SKI: variants seen among roughly 807,000 people sequenced by gnomAD.
The protein encoded by SKI is SKI proto-oncogene.
SKI carries 23 observed loss-of-function variants against 59.3 expected under a neutral mutation model. That is an observed-to-expected ratio of 0.39 (90% CI 0.28 to 0.55). SKI has a LOEUF of 0.55. Ranked by LOEUF, SKI falls within the 20% of genes least tolerant of loss-of-function variation. The probability of loss-of-function intolerance (pLI) is 0.67; values close to 1 mark genes in which losing one functional copy is unlikely to be tolerated. For synonymous variants in SKI, 673 were observed against 488.6 expected (o/e 1.38, Z -4.98); for missense variants, 1,017 against 1,038.9 (o/e 0.98, Z 0.29).
chr1:2,285,139 C>T (rs552457643), intron 1 of SKI, among the ~76,000 whole-genome samples: 3 of 152,214 alleles, frequency 2.0e-5, no homozygotes, highest in East Asian at 3.9e-4. Flanking sequence ...GACTTGTCCC[C>T]ATCTGTCTAG....
In SKI at chr1:2,270,122, G is replaced by T. The variant is rs557663842; in HGVS notation, c.970-32856G>T. The stretch of plus-strand genomic sequence containing the variant: ...GTTTTGCCCAGGGGTGCTGTGCCCT[G>T]GTCATTGTCCCCTACAGCCAGGCAG... On this transcript the variant is annotated intron_variant, in intron 1 of 6. Transcript: ENST00000378536. This position sits in a 1 kb window ranked among gnomAD's most constrained non-coding sequence, Gnocchi z 4.1. 6.6e-6 allele frequency among the ~76,000 whole-genome samples: 1 copy of T among 152,284 alleles called. No homozygotes were observed. Among genetic ancestry groups the T allele is most frequent in the Non-Finnish European group, 1.5e-5 (1 of 68,024 alleles).
chr1:2,303,710 G>C lies in SKI; in HGVS notation c.1212-130G>C, dbSNP rs1640486210. On this transcript the variant is annotated intron_variant, in intron 3 of 6. Transcript: ENST00000378536. The surrounding 1 kb of genome is among the most constrained non-coding windows in gnomAD (Gnocchi z 5.6). ...CTTACGGGTTCTTAGGGAACTGTAA[G>C]CTTGACTTGAAGATTCGGAGCTGGG... 12 of 1,302,272 alleles carry C rather than the reference G, an allele frequency of 9.2e-6. No homozygotes were observed. In the Admixed American group the frequency reaches 2.4e-4, roughly 26 times the overall value. The allele number at this position is 1,302,272 out of a possible 1,614,324, so 80.7% of individuals were successfully genotyped here.
At chr1:2,256,546 T>C (rs1047407926) in intron 1 of SKI, among the ~76,000 whole-genome samples, 4 of 152,222 alleles carry the variant, frequency 2.6e-5, no homozygotes, top group African/African-American at 9.6e-5. Context: ...TTCTAGGGGT[T>C]CCCCTCCTGG....
In SKI at chr1:2,269,551, G is replaced by GT. The variant is rs1639572027; in HGVS notation, c.970-33425dup. On this transcript the variant is annotated intron_variant, in intron 1 of 6. Coordinates refer to ENST00000378536, the MANE Select transcript of SKI (RefSeq NM_003036.4). The surrounding 1 kb of genome is among the most constrained non-coding windows in gnomAD (Gnocchi z 4.7). ...TCCAGGCCCGCACTAGTGGCGCCTG[G>GT]TTATCAGGTGTGGTGAGGAGCTTTG... 2.0e-5 allele frequency among the ~76,000 whole-genome samples: 3 copies of GT among 152,272 alleles called. No homozygotes were observed. The South Asian group carries it at 6.2e-4, about 31-fold the overall frequency.
chr1:2,252,575 G>T (rs572135381), intron 1 of SKI, among the ~76,000 whole-genome samples: 1 of 149,700 alleles, frequency 6.7e-6, no homozygotes, highest in East Asian at 2.0e-4. Context: ...GTCAGTGCCC[G>T]CGGAGCAGGT....
intron 1 of SKI, among the ~76,000 whole-genome samples, chr1:2,238,353 C>CTGTT (rs1422780260): frequency 1.3e-5 from 2 of 152,126 alleles, no homozygotes; most frequent in African/African-American, 2.4e-5. Flanking sequence ...CCTAGGCATG[C>CTGTT]TGTTCCCTGC....
At chr1:2,298,182 G>T (rs896803499) in intron 1 of SKI, among the ~76,000 whole-genome samples, 1 of 152,216 alleles carries the variant, frequency 6.6e-6, no homozygotes, top group African/African-American at 2.4e-5. Flanking sequence ...CTCAATGTCT[G>T]TTTCAGCTGG....
At chr1:2,245,481 A>G (rs1042616436) in intron 1 of SKI, among the ~76,000 whole-genome samples, 6 of 152,130 alleles carry the variant, frequency 3.9e-5, no homozygotes, top group African/African-American at 1.4e-4. Flanking sequence ...ATTTTTATTC[A>G]TTTATTTTTG....
chr1:2,282,514 A>G (rs1399709098), intron 1 of SKI, among the ~76,000 whole-genome samples: 3 of 133,354 alleles, frequency 2.2e-5, no homozygotes, highest in African/African-American at 5.4e-5. Context: ...ACGCCTGAGA[A>G]GACAGGCAGT....
intron 1 of SKI, among the ~76,000 whole-genome samples, chr1:2,279,143 C>T (rs1241262804): frequency 2.6e-5 from 4 of 152,228 alleles, no homozygotes; most frequent in Non-Finnish European, 5.9e-5. Context: ...CTCCACCGCC[C>T]CATTGGGCGC....
At chr1:2,274,716 C>T (rs1179378891) in intron 1 of SKI, among the ~76,000 whole-genome samples, 2 of 152,218 alleles carry the variant, frequency 1.3e-5, no homozygotes, top group African/African-American at 4.8e-5. Flanking sequence ...TTGAAGGGGC[C>T]TCTGGACAGT....
intron 1 of SKI, among the ~76,000 whole-genome samples, chr1:2,251,069 C>T (rs1402793585): frequency 3.3e-5 from 5 of 152,194 alleles, no homozygotes; most frequent in Non-Finnish European, 1.5e-5. Flanking sequence ...GGTGAGTCTG[C>T]TTGTCTTAGG....
intron 1 of SKI, among the ~76,000 whole-genome samples, chr1:2,242,847 C>G (rs1448790961): frequency 6.6e-6 from 1 of 152,222 alleles, no homozygotes; most frequent in African/African-American, 2.4e-5. Flanking sequence ...CATATGTGCA[C>G]TAAGGTCTGC....
Position 2,309,400 on chromosome 1 carries a change from C to T in SKI, c.*2635C>T, listed in dbSNP as rs939472124. The T allele has an allele frequency of 4.6e-5, 7 of 152,168 alleles. No homozygotes were observed. The highest frequency in any genetic ancestry group is 1.0e-4 in the Non-Finnish European group (7 of 68,026). The allele number at this position is 152,168 out of a possible 1,614,324, so 9.4% of individuals were successfully genotyped here. A position where few individuals can be genotyped will look rare whatever the true frequency, so the allele number is the denominator to read the frequency against. On this transcript the variant is annotated 3_prime_UTR_variant, in exon 7 of 7. Coordinates refer to ENST00000378536, the MANE Select transcript of SKI (RefSeq NM_003036.4). ...ATATCTCTGGAGCAGCTAACTCATA[C>T]ACGTAATGTCTGCTTTTCGTACAGA...
rs762684190 is a variant in SKI, at chr1:2,229,429, C to T, written c.663C>T (p.Tyr221=). ...LELSERSVRV[Y]HECFGKCKGL... ...TCAGCGAGCGCAGCGTCCGCGTGTA[C>T]CACGAGTGCTTCGGCAAGTGTAAGG... is the stretch of plus-strand genomic sequence containing the variant. Residue 221 remains tyrosine (Y), a synonymous_variant, in exon 1 of 7, where the codon TAC becomes TAT. Coordinates refer to ENST00000378536, the MANE Select transcript of SKI (RefSeq NM_003036.4). This position sits in a 1 kb window ranked among gnomAD's most constrained non-coding sequence, Gnocchi z 6.3. 6 of 1,611,670 alleles carry T rather than the reference C, an allele frequency of 3.7e-6. No homozygotes were observed. The East Asian group carries it at 6.7e-5, about 18-fold the overall frequency.
chr1:2,305,262 C>G (rs531233454), intron 5 of SKI, among the ~76,000 whole-genome samples: 1 of 152,206 alleles, frequency 6.6e-6, no homozygotes, highest in Admixed American at 6.5e-5. Context: ...GAGGGAAGTG[C>G]GGTTCACAGG....
chr1:2,304,867 G>GCGC (rs1382985316), intron 5 of SKI, among the ~76,000 whole-genome samples: 2 of 152,244 alleles, frequency 1.3e-5, no homozygotes, highest in African/African-American at 4.8e-5. Flanking sequence ...CACACACCCT[G>GCGC]CGTGGTGGCC....
chr1:2,268,935 C>T lies in SKI; in HGVS notation c.970-34043C>T, dbSNP rs532791998. ...CCCTTTTCCCTCCCTCCCTCTCTTT[C>T]CTTCTCTCCTTCTCTCCCTCTTCTT... On this transcript the variant is annotated intron_variant, in intron 1 of 6. Coordinates refer to ENST00000378536, the MANE Select transcript of SKI (RefSeq NM_003036.4). This position sits in a 1 kb window ranked among gnomAD's most constrained non-coding sequence, Gnocchi z 5.0. Among the ~76,000 whole-genome samples the T allele has an allele frequency of 6.1e-5, 9 of 148,556 alleles. No individual in the cohort carries two copies. In the South Asian group the frequency reaches 1.3e-3, roughly 22 times the overall value.
chr1:2,244,958 A>G (rs144452242), intron 1 of SKI, among the ~76,000 whole-genome samples: 277 of 152,350 alleles, frequency 1.8e-3, no homozygotes, highest in African/African-American at 5.5e-3. Flanking sequence ...AAAAGGGTCG[A>G]ATCAACTGGA....
Sources: gnomAD v4.1 joint callset for allele counts (sites outside exome capture counted in the v4.1 genomes callset) on GRCh38, gnomAD v4.1.1 for gene constraint, Gnocchi (gnomAD v3.1) non-coding constraint, MANE v1.5 for transcripts, NCBI Gene and HGNC (gene_info 2026-07-23, HGNC 2026-07-21) for gene names.